The following EGFR variants were observed in gnomAD, a reference collection of about 807,000 sequenced individuals.
The protein encoded by EGFR is avian erythroblastic leukemia viral (v-erb-b) oncogene homolog.
Under a neutral mutation model 143.0 loss-of-function variants are expected in EGFR, and 58 were observed. The observed-to-expected ratio is 0.41, with a 90% CI of 0.33 to 0.50. EGFR has a LOEUF of 0.50. Among genes scored for constraint, EGFR ranks in the 20% least tolerant of loss-of-function variants. The pLI is 0.39. For synonymous variants in EGFR, 613 were observed against 594.4 expected, an observed-to-expected ratio of 1.03 and a Z score of -0.45; for missense variants, 1,307 against 1,579.0, an observed-to-expected ratio of 0.83 and a Z score of 2.92.
At position 55,067,820 on chromosome 7, in the gene EGFR, GTGTA is replaced by G. The variant is rs1424610583; in HGVS notation, c.88+48459_88+48462del. On this transcript the variant is annotated intron_variant, in intron 1 of 27. Transcript: ENST00000275493. Reference sequence around the variant, plus strand: ...TGCCATTGTGTGTGCGCGGATGTGCGTGTATGTGTGTGTATGTGTGCACGTGTGC... The same window carrying G: ...TGCCATTGTGTGTGCGCGGATGTGCGTGTGTGTGTATGTGTGCACGTGTGC... Among the ~76,000 whole-genome samples, 3 of 148,662 alleles carry G rather than the reference GTGTA, an allele frequency of 2.0e-5. No homozygotes were observed. The South Asian group carries it at 6.2e-4, about 31-fold the overall frequency.
intron 1 of EGFR, among the ~76,000 whole-genome samples, chr7:55,035,858 T>C (rs536803682): frequency 3.9e-5 from 6 of 152,156 alleles, no homozygotes; most frequent in Non-Finnish European, 7.3e-5. Flanking sequence ...TGGGAGGTCC[T>C]ATCCCCCTTC....
intron 1 of EGFR, among the ~76,000 whole-genome samples, chr7:55,050,437 A>T (rs1000342071): frequency 5.3e-5 from 8 of 152,216 alleles, no homozygotes; most frequent in Non-Finnish European, 8.8e-5. Context: ...GTCCATTTCC[A>T]GGCTGAATGG....
intron 1 of EGFR, among the ~76,000 whole-genome samples, chr7:55,130,793 A>G (rs899788145): frequency 5.9e-5 from 9 of 152,220 alleles, no homozygotes; most frequent in African/African-American, 2.2e-4. Flanking sequence ...TCTCAGCTGT[A>G]TGTGCCCCGC....
chr7:55,119,029 C>G (rs1202357083), intron 1 of EGFR: 6 of 152,146 alleles, frequency 3.9e-5, no homozygotes, highest in African/African-American at 1.4e-4. Context: ...GCCTAAAACT[C>G]TGCTCTTTCC....
chr7:55,044,968 T>A (rs1788104979), intron 1 of EGFR, among the ~76,000 whole-genome samples: 1 of 152,194 alleles, frequency 6.6e-6, no homozygotes, highest in South Asian at 2.1e-4. Flanking sequence ...CTTGGCTCCG[T>A]GAAAGTCCTG....
At chr7:55,083,535 G>A (rs1790588719) in intron 1 of EGFR, among the ~76,000 whole-genome samples, 1 of 152,162 alleles carries the variant, frequency 6.6e-6, no homozygotes, top group Admixed American at 6.5e-5. Flanking sequence ...TCTTAGAAGG[G>A]CATGAAAGCC....
intron 14 of EGFR, 47 bp from the exon 15 acceptor site, chr7:55,165,233 A>G (rs1413679780): frequency 6.2e-7 from 1 of 1,613,270 alleles, no homozygotes; most frequent in Middle Eastern, 1.7e-4. Context: ...ATTTTGAAAG[A>G]GAAAAGAAAG....
At chr7:55,149,524 G>A (rs558328335) in intron 4 of EGFR, among the ~76,000 whole-genome samples, 1 of 152,218 alleles carries the variant, frequency 6.6e-6, no homozygotes, top group South Asian at 2.1e-4. Flanking sequence ...TAAACACCTG[G>A]GTCAGCTGGG....
At chr7:55,170,345 T>G (rs1336156477) in intron 15 of EGFR, 4 of 1,614,092 alleles carry the variant, frequency 2.5e-6, no homozygotes, top group Non-Finnish European at 3.4e-6. Flanking sequence ...TTATTCTGCC[T>G]TTTTAAACTA....
chr7:55,050,532 G>A (rs138188613), intron 1 of EGFR, among the ~76,000 whole-genome samples: 266 of 152,276 alleles, frequency 1.7e-3, no homozygotes, highest in African/African-American at 6.2e-3. Flanking sequence ...TTTAGCTATT[G>A]TGAATAACGC....
chr7:55,164,426 T>A (rs1785865090), intron 14 of EGFR, among the ~76,000 whole-genome samples: 1 of 152,202 alleles, frequency 6.6e-6, no homozygotes, highest in Non-Finnish European at 1.5e-5. Context: ...ACTGAAAACA[T>A]TTTTTAGACA....
At chr7:55,143,238 C>T (rs2128927009) in intron 2 of EGFR, 67 bp from the exon 3 acceptor site, 1 of 1,589,834 alleles carries the variant, frequency 6.3e-7, no homozygotes, top group Admixed American at 1.7e-5. Context: ...TCCCTGGACC[C>T]ATTTTAGACC....
rs556756993 is a variant in EGFR, at chr7:55,069,914, C to A, written c.88+50549C>A. 1.2e-3 allele frequency among the ~76,000 whole-genome samples: 180 copies of A among 152,346 alleles called. 1 individual carries two copies. The highest frequency in any genetic ancestry group is 3.9e-3 in the African/African-American group (162 of 41,572). On this transcript the variant is annotated intron_variant, in intron 1 of 27. Coordinates refer to ENST00000275493, the MANE Select transcript of EGFR (RefSeq NM_005228.5). The stretch of plus-strand genomic sequence containing the variant: ...TCTCATACACACTTACACACACATA[C>A]ACACAACCTTGTTGCTTAATTTTCA...
chr7:55,117,259 G>A lies in EGFR; in HGVS notation c.89-25027G>A, dbSNP rs1792914214. ...ATAGTTTATAAAGTGGAATAGAGAT[G>A]TGGGTAAAAGTTGTCTTGCCACCTT... On this transcript the variant is annotated intron_variant, in intron 1 of 27. Coordinates refer to ENST00000275493, the MANE Select transcript of EGFR (RefSeq NM_005228.5). Among the ~76,000 whole-genome samples the A allele has an allele frequency of 2.6e-5, 4 of 152,358 alleles. No homozygotes were observed. In the South Asian group the frequency reaches 8.3e-4, roughly 32 times the overall value.
intron 1 of EGFR, among the ~76,000 whole-genome samples, chr7:55,122,028 C>A (rs1793239394): frequency 6.6e-6 from 1 of 152,200 alleles, no homozygotes; most frequent in Admixed American, 6.5e-5. Context: ...CCTGAGCCCA[C>A]TTCTGGAAGG....
At chr7:55,196,809 C>T (rs112685627) in intron 22 of EGFR, among the ~76,000 whole-genome samples, 2,483 of 150,660 alleles carry the variant, frequency 0.016, 72 homozygotes, top group African/African-American at 0.058. Context: ...ACTTTGTCAA[C>T]GATCACATGG....
chr7:55,071,104 T>C (rs1789796590), intron 1 of EGFR, among the ~76,000 whole-genome samples: 1 of 152,166 alleles, frequency 6.6e-6, no homozygotes, highest in Middle Eastern at 3.2e-3. Flanking sequence ...TCTCAGGACC[T>C]CCCTAAAGCC....
At position 55,171,994 on chromosome 7, in the gene EGFR, G is replaced by A. The variant is rs17337037; in HGVS notation, c.1919+781G>A. ...GCCATAGCTCTCTCTCCTGCCACCA[G>A]TGTCACATGATCGAGGAAGAAGGCA... is the stretch of plus-strand genomic sequence containing the variant. On this transcript the variant is annotated intron_variant, in intron 16 of 27. Coordinates refer to ENST00000275493, the MANE Select transcript of EGFR (RefSeq NM_005228.5). Among the ~76,000 whole-genome samples, 11 of 152,260 alleles carry A rather than the reference G, an allele frequency of 7.2e-5. 1 individual carries two copies. The South Asian group carries it at 2.3e-3, about 32-fold the overall frequency.
chr7:55,114,709 T>A (rs1018893000), intron 1 of EGFR, among the ~76,000 whole-genome samples: 2 of 152,100 alleles, frequency 1.3e-5, no homozygotes, highest in Admixed American at 1.3e-4. Context: ...TTTCCTATAG[T>A]ATCCATGTCC....
Sources: allele counts gnomAD v4.1 joint callset (sites outside exome capture counted in the v4.1 genomes callset), GRCh38; gene constraint gnomAD v4.1.1; transcripts MANE v1.5; gene names NCBI Gene and HGNC (gene_info 2026-07-23, HGNC 2026-07-21).